CYTH2: variants seen among roughly 807,000 people sequenced by gnomAD.
CYTH2 encodes the protein cytohesin-2.
A neutral mutation model predicts 55.4 loss-of-function variants in CYTH2; 24 were observed. The observed-to-expected ratio is 0.43, with a 90% CI of 0.31 to 0.61. The LOEUF (loss-of-function observed/expected upper bound fraction) is 0.61. CYTH2 is among the 20% of genes least tolerant of loss of function. The probability of loss-of-function intolerance (pLI) is 0.08; values close to 1 mark genes in which losing one functional copy is unlikely to be tolerated. For synonymous variants in CYTH2, 221 were observed against 209.6 expected (o/e 1.05, Z -0.47); for missense variants, 378 against 533.5 (o/e 0.71, Z 2.87).
At chr19:48,478,373 G>T (rs757306744) in intron 10 of CYTH2, 27 bp downstream of exon 10, 1 of 1,613,674 alleles carries the variant, frequency 6.2e-7, no homozygotes, top group Non-Finnish European at 8.5e-7. Context: ...ACACCTTCCT[G>T]CCAGGGCGGG....
At chr19:48,476,921 C>G (rs1267718615) in intron 8 of CYTH2, 3 of 152,254 alleles carry the variant, frequency 2.0e-5, no homozygotes, top group Non-Finnish European at 4.4e-5. Context: ...CAGTAACTTT[C>G]CCATTTCCCA....
chr19:48,469,721 T>G, intron 1 of CYTH2, 195 bp downstream of exon 1: 7 of 789,386 alleles, frequency 8.9e-6, no homozygotes, highest in Non-Finnish European at 5.6e-6. Context: ...GGCCATTGTT[T>G]GGGCTGAGCC....
chr19:48,469,620 C>G lies in CYTH2; in HGVS notation c.19+94C>G. 7 of 1,339,540 alleles carry G rather than the reference C, an allele frequency of 5.2e-6. No individual in the cohort carries two copies. In the South Asian group the frequency reaches 1.2e-4, roughly 23 times the overall value. The allele number at this position is 1,339,540 out of a possible 1,614,324, so 83.0% of individuals were successfully genotyped here. ...ACGTTTCCCCCTGGCGCGCGGCGCCCAGAAGCGTTCGGCTCAGTCGTAGAC... is the reference window on the plus strand; with the variant it reads ...ACGTTTCCCCCTGGCGCGCGGCGCCGAGAAGCGTTCGGCTCAGTCGTAGAC... On this transcript the variant is annotated intron_variant, in intron 1 of 11. Transcript: ENST00000452733.
intron 11 of CYTH2, among the ~76,000 whole-genome samples, chr19:48,478,803 A>G (rs1166339931): frequency 1.0e-4 from 6 of 58,286 alleles, no homozygotes; most frequent in Admixed American, 3.9e-4. Context: ...CTGACGGAGG[A>G]GGGGCCGGGG....
At chr19:48,479,012 G>A (rs542595346) in intron 11 of CYTH2, 111 bp from the exon 12 acceptor site, 2 of 1,105,310 alleles carry the variant, frequency 1.8e-6, no homozygotes, top group South Asian at 1.3e-5. Context: ...TGGACTCCTG[G>A]GTCTGAGGGA....
At chr19:48,475,059 C>T (rs767324810) in intron 8 of CYTH2, 110 bp downstream of exon 8, 14 of 967,476 alleles carry the variant, frequency 1.4e-5, no homozygotes, top group African/African-American at 1.2e-4. Flanking sequence ...GCAAATGATT[C>T]GACCTCTCTG....
In CYTH2 at chr19:48,479,505, C is replaced by T. The variant is rs780350242; in HGVS notation, c.*295C>T. The T allele has an allele frequency of 1.3e-4, 54 of 431,612 alleles. No individual in the cohort carries two copies. The highest frequency in any genetic ancestry group is 6.7e-4 in the Middle Eastern group (1 of 1,486). 26.7% of individuals were successfully genotyped at this position (431,612 alleles called of 1,614,324 possible). A position where few individuals can be genotyped will look rare whatever the true frequency, so the allele number is the denominator to read the frequency against. On this transcript the variant is annotated 3_prime_UTR_variant, in exon 12 of 12. Coordinates refer to ENST00000452733, the MANE Select transcript of CYTH2 (RefSeq NM_004228.7). ...TCTCTGGGTGCTGCCTGGGCTGTCC[C>T]GGTGGGTCTGTTCTGGTTTCACCCC...
chr19:48,470,401 G>A lies in CYTH2; in HGVS notation c.68G>A (p.Arg23Gln). 2 of 1,613,960 alleles carry A rather than the reference G, an allele frequency of 1.2e-6. No individual in the cohort carries two copies. Among genetic ancestry groups the A allele is most frequent in the Non-Finnish European group, 8.5e-7 (1 of 1,179,996 alleles). ...GAGCGGATGGAGCTGGAGAACATCC[G>A]GCGGCGGAAGCAGGAGCTGCTGGTG... ...PEERMELENI[R>Q]RRKQELLVEI... The change falls in exon 2 of 12, where the codon CGG (arginine) becomes CAG (glutamine). Residue 23 changes from arginine to glutamine, a missense_variant. Transcript: ENST00000452733.
chr19:48,479,211 C>A lies in CYTH2; in HGVS notation c.*1C>A. On this transcript the variant is annotated 3_prime_UTR_variant, in exon 12 of 12. Coordinates refer to ENST00000452733, the MANE Select transcript of CYTH2 (RefSeq NM_004228.7). The stretch of plus-strand genomic sequence containing the variant: ...CAAGAAGAAGCAGGAGCAGCCCTGA[C>A]CCCCTGCCCCCAACTCCATTATTTA... The A allele has an allele frequency of 6.2e-7, 1 of 1,613,832 alleles. No individual in the cohort carries two copies. The highest frequency in any genetic ancestry group is 1.1e-5 in the South Asian group (1 of 91,082).
At position 48,478,785 on chromosome 19, in the gene CYTH2, A is replaced by C. The variant is rs1643482; in HGVS notation, c.1112+193A>C. ...ACGGAGGAGGGGCAGGGGCCTGGACACCTGGGTCTGACGGAGGAGGGGCCG... is the reference window on the plus strand; with the variant it reads ...ACGGAGGAGGGGCAGGGGCCTGGACCCCTGGGTCTGACGGAGGAGGGGCCG... On this transcript the variant is annotated intron_variant, in intron 11 of 11. Transcript: ENST00000452733. Among the ~76,000 whole-genome samples the C allele has an allele frequency of 1.2e-3, 112 of 94,762 alleles. 5 individuals are homozygous for C. Among genetic ancestry groups the C allele is most frequent in the African/African-American group, 5.2e-3 (81 of 15,480 alleles). 62.2% of individuals were successfully genotyped at this position (94,762 alleles called of 152,430 possible).
At chr19:48,477,088 C>T (rs1971929801) in intron 8 of CYTH2, 1 of 152,226 alleles carries the variant, frequency 6.6e-6, no homozygotes, top group African/African-American at 2.4e-5. Context: ...ATGGTGGTTG[C>T]TACTCCATGC....
rs1439811980 is a variant in CYTH2 at position 48,470,609 on chromosome 19, C to T, written c.174C>T (p.Thr58=). ...CTGCTCTCTGCTCCTGCAGTAAGAC[C>T]TTGCAACGGAACCGGAAGATGGCAA... is the stretch of plus-strand genomic sequence containing the variant. ...EGLEANEGSK[T]LQRNRKMAMG... Residue 58 remains threonine, a synonymous_variant, in exon 3 of 12, where the codon ACC becomes ACT. Transcript: ENST00000452733. 1.2e-6 allele frequency: 2 copies of T among 1,614,248 alleles called. No individual in the cohort carries two copies. The highest frequency in any genetic ancestry group is 8.5e-7 in the Non-Finnish European group (1 of 1,180,052).
At chr19:48,470,027 C>T (rs1287633505) in intron 1 of CYTH2, 3 of 591,212 alleles carry the variant, frequency 5.1e-6, no homozygotes, top group Admixed American at 4.4e-5. Context: ...AAAACCAAGG[C>T]CTCAGTCCCC....
Position 48,478,404 on chromosome 19 carries a change from G to C in CYTH2, c.958-34G>C, listed in dbSNP as rs373057641. The C allele has an allele frequency of 1.6e-5, 26 of 1,613,306 alleles. No homozygotes were observed. In the African/African-American group the frequency reaches 3.1e-4, roughly 19 times the overall value. ...GCGGGGCCTCCTCTGCCCAGGGCTG[G>C]TTCTTACCTGCGCCCTTCCTCTCTC... On this transcript the variant is annotated intron_variant, in intron 10 of 11. Coordinates refer to ENST00000452733, the MANE Select transcript of CYTH2 (RefSeq NM_004228.7).
At position 48,478,584 on chromosome 19, in the gene CYTH2, G is replaced by C; in HGVS notation, c.1104G>C (p.Lys368Asn). 1.9e-6 allele frequency: 3 copies of C among 1,610,376 alleles called. No homozygotes were observed. The highest frequency in any genetic ancestry group is 2.5e-6 in the Non-Finnish European group (3 of 1,177,658). ...PTQEEKDEWIKSIQAAVSVDP... is the reference protein window; with the variant it reads ...PTQEEKDEWINSIQAAVSVDP... ...AGGAGGAGAAGGACGAGTGGATCAA[G>C]TCCATCCAGTGAGCCTGGACTCCTG... is the stretch of plus-strand genomic sequence containing the variant. The change falls in exon 11 of 12, where the codon AAG (lysine) becomes AAC (asparagine). Residue 368 changes from lysine to asparagine, a missense_variant. Physicochemically the swap from Lys to Asn is moderately conservative, Grantham distance 94. Coordinates refer to ENST00000452733, the MANE Select transcript of CYTH2 (RefSeq NM_004228.7).
intron 4 of CYTH2, 107 bp downstream of exon 4, chr19:48,472,550 C>T (rs79525710): frequency 0.044 from 39,450 of 894,586 alleles, 4,241 homozygotes; most frequent in African/African-American, 0.36. Context: ...GCAGCCTCCC[C>T]GCAGAGGGGC....
chr19:48,469,726 T>C, intron 1 of CYTH2, 200 bp downstream of exon 1: 2 of 837,442 alleles, frequency 2.4e-6, no homozygotes, highest in Non-Finnish European at 3.6e-6. Context: ...TTGTTTGGGC[T>C]GAGCCTGTTT....
intron 8 of CYTH2, chr19:48,477,806 C>G: frequency 2.0e-6 from 1 of 500,650 alleles, no homozygotes; most frequent in Non-Finnish European, 3.6e-6. Context: ...CTCCTGCCCA[C>G]AGGAGGAGGG....
intron 5 of CYTH2, 80 bp downstream of exon 5, chr19:48,473,458 A>G (rs1971844955): frequency 1.4e-6 from 2 of 1,471,316 alleles, no homozygotes; most frequent in South Asian, 1.1e-5. Context: ...AACCTTACTC[A>G]AGAAAAAAAC....
Sources: gnomAD v4.1 joint callset for allele counts (sites outside exome capture counted in the v4.1 genomes callset) on GRCh38, gnomAD v4.1.1 for gene constraint, MANE v1.5 for transcripts, NCBI Gene and HGNC (gene_info 2026-07-23, HGNC 2026-07-21) for gene names.